SCN1A: variants seen among roughly 807,000 people sequenced by gnomAD.
SCN1A encodes the protein sodium channel protein type 1 subunit alpha.
Under a neutral mutation model 193.7 loss-of-function variants are expected in SCN1A, and 13 were observed. The ratio of observed to expected loss-of-function variants is 0.07; its 90% CI spans 0.04 to 0.11. The LOEUF is 0.11. SCN1A is among the 10% of genes least tolerant of loss of function. The pLI is 1.00. For synonymous variants in SCN1A, 781 were observed against 843.6 expected, an observed-to-expected ratio of 0.93 and a Z score of 1.29; for missense variants, 1,432 against 2,451.1, an observed-to-expected ratio of 0.58 and a Z score of 8.78.
At position 165,992,578 on chromosome 2, in the gene SCN1A, A is replaced by G. The variant is rs1689408754; in HGVS notation, c.4853-156T>C. On this transcript the variant is annotated intron_variant, in intron 28 of 28. Transcript: ENST00000674923. This position sits in a 1 kb window ranked among gnomAD's most constrained non-coding sequence, Gnocchi z 6.5. ...TAATATATATATAATTGTACATAATATATTATAAATCTTAATTTTGAAATT... is the reference window on the plus strand; with the variant it reads ...TAATATATATATAATTGTACATAATGTATTATAAATCTTAATTTTGAAATT... 1 of 381,438 alleles carries G rather than the reference A, an allele frequency of 2.6e-6. No individual in the cohort carries two copies. Among genetic ancestry groups the G allele is most frequent in the South Asian group, 1.0e-4 (1 of 9,808 alleles). 23.6% of individuals were successfully genotyped at this position (381,438 alleles called of 1,614,324 possible).
intron 2 of SCN1A, among the ~76,000 whole-genome samples, chr2:166,118,298 G>GCTTCTTCTTT (rs371947861): frequency 8.9e-5 from 4 of 44,694 alleles, no homozygotes; most frequent in African/African-American, 2.9e-4. Context: ...TTTCTATTTA[G>GCTTCTTCTTT]TTTCTTTTTT....
At chr2:166,014,737 G>GAAGGAACT (rs1386200128) in intron 20 of SCN1A, among the ~76,000 whole-genome samples, 5 of 150,374 alleles carry the variant, frequency 3.3e-5, no homozygotes, top group East Asian at 1.9e-4. Context: ...AAGGAGGAAA[G>GAAGGAACT]AAGGAACTAA....
At chr2:166,093,334 ATTC>A (rs970138950) in intron 2 of SCN1A, among the ~76,000 whole-genome samples, 21 of 151,298 alleles carry the variant, frequency 1.4e-4, no homozygotes, top group Admixed American at 4.6e-4. Flanking sequence ...TTTCAGTTGA[ATTC>A]TTCTTTTTTT....
At chr2:166,063,203 C>T (rs1021135436) in intron 4 of SCN1A, among the ~76,000 whole-genome samples, 28 of 152,000 alleles carry the variant, frequency 1.8e-4, no homozygotes, top group Admixed American at 1.6e-3. Flanking sequence ...CATTTTAACA[C>T]GTGGATAATT....
upstream of SCN1A, among the ~76,000 whole-genome samples, chr2:166,131,262 A>G (rs1691646607): frequency 6.6e-6 from 1 of 152,102 alleles, no homozygotes; most frequent in Non-Finnish European, 1.5e-5. Flanking sequence ...CAATACTTCA[A>G]TCTGTAATGC....
intron 24 of SCN1A, among the ~76,000 whole-genome samples, chr2:166,001,694 C>G (rs571575395): frequency 2.6e-5 from 4 of 151,402 alleles, no homozygotes; most frequent in African/African-American, 7.3e-5. Flanking sequence ...AAAGGGCTAC[C>G]TTTTTTAAAT....
intron 22 of SCN1A, among the ~76,000 whole-genome samples, chr2:166,010,326 C>T (rs1343401754): frequency 2.0e-5 from 3 of 151,146 alleles, no homozygotes; most frequent in Non-Finnish European, 4.5e-5. Context: ...TAATGAACTA[C>T]ATCAGTTTTG....
chr2:166,114,461 T>G (rs996534252), intron 2 of SCN1A, among the ~76,000 whole-genome samples: 10 of 152,148 alleles, frequency 6.6e-5, no homozygotes, highest in Admixed American at 3.9e-4. Flanking sequence ...CAAGAAACCA[T>G]GCACTGGAAT....
chr2:166,027,196 A>C (rs1694910536), intron 19 of SCN1A: 1 of 152,190 alleles, frequency 6.6e-6, no homozygotes, highest in Non-Finnish European at 1.5e-5. Context: ...ACACCAGGGC[A>C]TTCAATAACC....
At chr2:166,005,481 G>GT (rs1261418085) in intron 23 of SCN1A, among the ~76,000 whole-genome samples, 3 of 151,318 alleles carry the variant, frequency 2.0e-5, no homozygotes, top group Non-Finnish European at 4.4e-5. Context: ...CTCTGCAGCA[G>GT]TGCACTTCAG....
chr2:166,058,196 A>AT (rs1288247996), intron 5 of SCN1A, among the ~76,000 whole-genome samples: 2 of 152,068 alleles, frequency 1.3e-5, no homozygotes, highest in Non-Finnish European at 2.9e-5. Context: ...CTGGAAGTAG[A>AT]TTTTTCTGTT....
intron 10 of SCN1A, among the ~76,000 whole-genome samples, chr2:166,048,477 G>C (rs1029258295): frequency 1.3e-5 from 2 of 152,046 alleles, no homozygotes; most frequent in African/African-American, 4.8e-5. Flanking sequence ...TCCTGCAATA[G>C]TTTGCTAAGG....
chr2:166,102,742 T>G (rs542579908), intron 2 of SCN1A, among the ~76,000 whole-genome samples: 1 of 152,216 alleles, frequency 6.6e-6, no homozygotes, highest in East Asian at 1.9e-4. Context: ...AAAAGACACA[T>G]GCACGCATAT....
intron 20 of SCN1A, among the ~76,000 whole-genome samples, chr2:166,014,642 CA>C (rs77406188): frequency 0.096 from 6,447 of 67,246 alleles, 357 homozygotes; most frequent in African/African-American, 0.23. Flanking sequence ...TGCTCCAAGG[CA>C]AAAAAAAAAA....
intron 19 of SCN1A, among the ~76,000 whole-genome samples, chr2:166,023,316 T>G (rs1694308952): frequency 1.3e-5 from 2 of 152,232 alleles, no homozygotes; most frequent in African/African-American, 4.8e-5. Flanking sequence ...CCAACAACCT[T>G]ATTTTTTCAC....
At chr2:166,038,230 C>A (rs371784721) in intron 17 of SCN1A, 98 bp from the exon 18 acceptor site, 4 of 971,028 alleles carry the variant, frequency 4.1e-6, no homozygotes, top group South Asian at 3.4e-5. Context: ...CAATATCTTA[C>A]AATATCTGAT....
At chr2:166,112,866 C>T (rs185117281) in intron 2 of SCN1A, among the ~76,000 whole-genome samples, 1 of 152,086 alleles carries the variant, frequency 6.6e-6, no homozygotes. Context: ...TCAATTATGC[C>T]TACATAATGA....
At chr2:166,057,168 A>G (rs10192608) in intron 5 of SCN1A, among the ~76,000 whole-genome samples, 72,044 of 151,788 alleles carry the variant, frequency 0.47, 17,947 homozygotes, top group East Asian at 0.56. Flanking sequence ...TCTCTGTGCC[A>G]TTGCCTTGTA....
chr2:166,044,226 A>G (rs1466278854), intron 13 of SCN1A, among the ~76,000 whole-genome samples, 177 bp from the exon 14 acceptor site: 1 of 152,182 alleles, frequency 6.6e-6, no homozygotes, highest in African/African-American at 2.4e-5. Flanking sequence ...TTACCTTGAT[A>G]AAAGAAAGTT....
Sources: gnomAD v4.1 joint callset for allele counts (sites outside exome capture counted in the v4.1 genomes callset) on GRCh38, gnomAD v4.1.1 for gene constraint, Gnocchi (gnomAD v3.1) non-coding constraint, MANE v1.5 for transcripts, NCBI Gene and HGNC (gene_info 2026-07-23, HGNC 2026-07-21) for gene names.